Variants in CORIN observed in about 807,000 individuals in gnomAD.
CORIN encodes corin, serine peptidase.
CORIN carries 117 observed loss-of-function variants against 125.3 expected under a neutral mutation model. The ratio of observed to expected loss-of-function variants is 0.93; its 90% CI spans 0.80 to 1.09. CORIN has a LOEUF of 1.09. CORIN is among the 50% of genes least tolerant of loss of function. The probability of loss-of-function intolerance (pLI) is 0.00; values close to 1 mark genes in which losing one functional copy is unlikely to be tolerated. For missense variants in CORIN, 1,253 were observed against 1,306.7 expected (o/e 0.96, Z 0.63); for synonymous variants, 450 against 466.4 (o/e 0.96, Z 0.45).
intron 8 of CORIN, among the ~76,000 whole-genome samples, chr4:47,679,215 T>G (rs773386405): frequency 1.1e-4 from 17 of 152,180 alleles, no homozygotes; most frequent in Non-Finnish European, 2.2e-4. Context: ...CAATCATGTA[T>G]ATTATTCTCT....
intron 3 of CORIN, among the ~76,000 whole-genome samples, chr4:47,774,417 T>C (rs1233890870): frequency 6.6e-6 from 1 of 152,222 alleles, no homozygotes; most frequent in African/African-American, 2.4e-5. Flanking sequence ...GAATTTGGTA[T>C]GATTTTTTCC....
At chr4:47,604,394 A>C (rs1721566123) in intron 19 of CORIN, among the ~76,000 whole-genome samples, 1 of 152,122 alleles carries the variant, frequency 6.6e-6, no homozygotes, top group African/African-American at 2.4e-5. Flanking sequence ...CAATGGTTTT[A>C]AATCCCACCA....
intron 1 of CORIN, chr4:47,837,588 G>A (rs1733507022): frequency 1.9e-6 from 1 of 527,946 alleles, no homozygotes; most frequent in Non-Finnish European, 3.4e-6. Flanking sequence ...CCCCGGCATG[G>A]AGACCGGGGT....
chr4:47,612,086 G>A (rs138644320), intron 19 of CORIN, among the ~76,000 whole-genome samples: 7 of 152,294 alleles, frequency 4.6e-5, no homozygotes, highest in Non-Finnish European at 7.4e-5. Context: ...TAAAATGAGT[G>A]AGAGAGGAGC....
chr4:47,629,537 GT>G (rs1722725097), intron 16 of CORIN, among the ~76,000 whole-genome samples: 1 of 152,106 alleles, frequency 6.6e-6, no homozygotes, highest in Non-Finnish European at 1.5e-5. Context: ...AAATGATAAA[GT>G]TGTTTTCTTC....
intron 5 of CORIN, among the ~76,000 whole-genome samples, chr4:47,742,018 C>T (rs775710714): frequency 2.6e-5 from 4 of 151,736 alleles, no homozygotes; most frequent in African/African-American, 9.7e-5. Flanking sequence ...GTATACTAAA[C>T]CACTTAATAA....
Position 47,655,136 on chromosome 4 carries a change from A to G in CORIN, c.1736-1476T>C, listed in dbSNP as rs75142655. 4.4e-3 allele frequency among the ~76,000 whole-genome samples: 668 copies of G among 151,850 alleles called. 4 individuals carry two copies. Among genetic ancestry groups the G allele is most frequent in the African/African-American group, 0.015 (637 of 41,404 alleles). ...TGGCAGCATTAGTTACCAGCTGACT[A>G]AAGAGCCCTTGGGCCCTGAATAATC... On this transcript the variant is annotated intron_variant, in intron 12 of 21. Coordinates refer to ENST00000273857, the MANE Select transcript of CORIN (RefSeq NM_006587.4).
chr4:47,690,715 A>G (rs1026188756), intron 6 of CORIN, among the ~76,000 whole-genome samples: 1 of 152,058 alleles, frequency 6.6e-6, no homozygotes, highest in Admixed American at 6.6e-5. Flanking sequence ...TCCTCTCATG[A>G]GTATCTGTGG....
intron 4 of CORIN, among the ~76,000 whole-genome samples, chr4:47,753,718 C>T (rs1196473646): frequency 1.3e-5 from 2 of 152,098 alleles, no homozygotes; most frequent in African/African-American, 4.8e-5. Flanking sequence ...TGGTTATCTT[C>T]CCTTGTTCCC....
At chr4:47,731,955 A>G (rs545170185) in intron 5 of CORIN, among the ~76,000 whole-genome samples, 29 of 152,276 alleles carry the variant, frequency 1.9e-4, no homozygotes, top group African/African-American at 6.7e-4. Flanking sequence ...ACACAGGTAG[A>G]GACCCTTGGA....
chr4:47,780,455 T>C (rs1456055425), intron 3 of CORIN, among the ~76,000 whole-genome samples: 1 of 151,408 alleles, frequency 6.6e-6, no homozygotes, highest in Non-Finnish European at 1.5e-5. Context: ...TTGAAGGAAA[T>C]GAAAAAGAAG....
chr4:47,742,689 T>C (rs1328371687), intron 5 of CORIN, among the ~76,000 whole-genome samples: 2 of 152,064 alleles, frequency 1.3e-5, no homozygotes, highest in African/African-American at 4.8e-5. Flanking sequence ...TTGATCTATA[T>C]ATTTAATGCA....
chr4:47,716,532 T>C (rs1727098049), intron 5 of CORIN, among the ~76,000 whole-genome samples: 1 of 152,184 alleles, frequency 6.6e-6, no homozygotes, highest in South Asian at 2.1e-4. Context: ...ACAGTATCAT[T>C]GTCTGTTTTT....
intron 3 of CORIN, among the ~76,000 whole-genome samples, chr4:47,775,893 G>GT (rs1407088610): frequency 1.3e-5 from 2 of 152,226 alleles, no homozygotes; most frequent in Non-Finnish European, 2.9e-5. Flanking sequence ...TTTGTCTTTT[G>GT]TTTTTTGGGG....
intron 5 of CORIN, among the ~76,000 whole-genome samples, chr4:47,703,078 C>A (rs1726383624): frequency 1.3e-5 from 2 of 152,270 alleles, no homozygotes; most frequent in Admixed American, 1.3e-4. Context: ...ATCCACTGAT[C>A]TTCAGGATAT....
chr4:47,661,680 A>G (rs925821891), intron 12 of CORIN, 31 bp downstream of exon 12: 1 of 1,573,716 alleles, frequency 6.4e-7, no homozygotes, highest in African/African-American at 1.4e-5. Flanking sequence ...TCCATGTTAG[A>G]TACCCTGCTG....
At chr4:47,617,695 A>C (rs1477797454) in intron 19 of CORIN, among the ~76,000 whole-genome samples, 1 of 152,228 alleles carries the variant, frequency 6.6e-6, no homozygotes, top group East Asian at 1.9e-4. Context: ...CCAAATCCTT[A>C]GAGTAGATGG....
intron 12 of CORIN, among the ~76,000 whole-genome samples, chr4:47,656,590 GA>G (rs544950737): frequency 6.6e-6 from 1 of 151,764 alleles, no homozygotes; most frequent in Non-Finnish European, 1.5e-5. Context: ...ATCCCTTCCT[GA>G]AAAAAAATCC....
chr4:47,706,981 C>A (rs1726601302), intron 5 of CORIN: 5 of 1,568,822 alleles, frequency 3.2e-6, no homozygotes, highest in Admixed American at 3.6e-5. Context: ...TCCACCGTTA[C>A]CGCTAATACA....
Sources: gnomAD v4.1 joint callset for allele counts (sites outside exome capture counted in the v4.1 genomes callset) on GRCh38, gnomAD v4.1.1 for gene constraint, MANE v1.5 for transcripts, NCBI Gene and HGNC (gene_info 2026-07-23, HGNC 2026-07-21) for gene names.